GPC6: variants seen among roughly 807,000 people sequenced by gnomAD.
GPC6 encodes glypican 6.
In GPC6, 14 loss-of-function variants were observed where a neutral mutation model predicts 55.2. The ratio of observed to expected loss-of-function variants is 0.25; its 90% CI spans 0.17 to 0.40. GPC6 has a LOEUF of 0.40. Ranked by LOEUF, GPC6 falls within the 10% of genes least tolerant of loss-of-function variation. GPC6 has a pLI of 1.00. For synonymous variants in GPC6, 278 were observed against 259.6 expected, an observed-to-expected ratio of 1.07 and a Z score of -0.68; for missense variants, 641 against 708.5, an observed-to-expected ratio of 0.90 and a Z score of 1.08.
In GPC6 at chr13:93,676,195, A is replaced by ATG. The variant is rs1594363710; in HGVS notation, c.319+130775_319+130776insGT. ...CATACACACACACACACACACATAT[A>ATG]TATGTATGTATGTATATGTGTATAT... On this transcript the variant is annotated intron_variant, in intron 2 of 8. Coordinates refer to ENST00000377047, the MANE Select transcript of GPC6 (RefSeq NM_005708.5). 8.5e-5 allele frequency among the ~76,000 whole-genome samples: 11 copies of ATG among 128,728 alleles called. No homozygotes were observed. The South Asian group carries it at 1.6e-3, about 18-fold the overall frequency. 84.5% of individuals were successfully genotyped at this position (128,728 alleles called of 152,430 possible).
intron 2 of GPC6, among the ~76,000 whole-genome samples, chr13:93,797,407 G>A (rs750414343): frequency 1.3e-5 from 2 of 152,058 alleles, no homozygotes; most frequent in Non-Finnish European, 2.9e-5. Flanking sequence ...TACGCACAAC[G>A]TTCAGAAAAT....
intron 1 of GPC6, among the ~76,000 whole-genome samples, chr13:93,456,384 C>T (rs2813625): frequency 1 from 152,140 of 152,250 alleles, 76,015 homozygotes; most frequent in Non-Finnish European, 1. Context: ...ATTATCCCTA[C>T]TGTTAAAATG....
intron 4 of GPC6, among the ~76,000 whole-genome samples, chr13:94,167,344 C>A (rs891995990): frequency 4.6e-5 from 7 of 152,150 alleles, no homozygotes; most frequent in African/African-American, 1.4e-4. Context: ...TAAGGTCCCT[C>A]TGAATGAAAT....
intron 1 of GPC6, among the ~76,000 whole-genome samples, chr13:93,458,425 T>A (rs566783942): frequency 6.6e-6 from 1 of 152,220 alleles, no homozygotes; most frequent in African/African-American, 2.4e-5. Flanking sequence ...TTATGAAACA[T>A]CCTCCTCCCT....
intron 1 of GPC6, among the ~76,000 whole-genome samples, chr13:93,335,546 GC>G (rs1432976816): frequency 1.3e-5 from 2 of 152,152 alleles, no homozygotes. Flanking sequence ...CAATGCTCCT[GC>G]CCCCTACCTC....
intron 2 of GPC6, among the ~76,000 whole-genome samples, chr13:93,686,208 C>A (rs901859569): frequency 2.5e-4 from 38 of 152,090 alleles, no homozygotes; most frequent in Admixed American, 1.4e-3. Flanking sequence ...GTTGCCTTCA[C>A]CTTCAATGCG....
At chr13:93,239,711 G>A (rs1876363180) in intron 1 of GPC6, among the ~76,000 whole-genome samples, 1 of 151,572 alleles carries the variant, frequency 6.6e-6, no homozygotes, top group African/African-American at 2.4e-5. Context: ...GCTCCTTGAG[G>A]TGTGACATTG....
At chr13:93,369,724 T>A (rs894225546) in intron 1 of GPC6, among the ~76,000 whole-genome samples, 1 of 152,136 alleles carries the variant, frequency 6.6e-6, no homozygotes, top group Non-Finnish European at 1.5e-5. Flanking sequence ...AAACGTTTTT[T>A]TGTCACTTGG....
intron 1 of GPC6, among the ~76,000 whole-genome samples, chr13:93,400,669 T>C (rs190816006): frequency 1.1e-4 from 17 of 152,272 alleles, no homozygotes; most frequent in African/African-American, 4.1e-4. Context: ...TGTGATAGGA[T>C]CATGCATTTT....
At chr13:93,503,666 A>G (rs1880605462) in intron 1 of GPC6, among the ~76,000 whole-genome samples, 1 of 152,102 alleles carries the variant, frequency 6.6e-6, no homozygotes, top group African/African-American at 2.4e-5. Flanking sequence ...GTAGCAATGG[A>G]ATCTTATGTG....
chr13:93,884,006 C>T (rs992518492), intron 3 of GPC6, among the ~76,000 whole-genome samples: 1 of 151,932 alleles, frequency 6.6e-6, no homozygotes, highest in Non-Finnish European at 1.5e-5. Flanking sequence ...CAAAAGACAC[C>T]GAAGTTTTTT....
rs576534413 is a variant in GPC6 at position 93,883,091 on chromosome 13, C to T, written c.711+52546C>T. On this transcript the variant is annotated intron_variant, in intron 3 of 8. Transcript: ENST00000377047. The stretch of plus-strand genomic sequence containing the variant: ...TTTTGTAAAATTCCCAATCTTACTG[C>T]AGCTTCCTCTTCTGTCTTTCTGGTC... 2.9e-3 allele frequency among the ~76,000 whole-genome samples: 446 copies of T among 151,266 alleles called. 3 individuals are homozygous for T. Among genetic ancestry groups the T allele is most frequent in the Non-Finnish European group, 4.2e-3 (287 of 67,858 alleles).
At chr13:93,574,096 G>A (rs1429950266) in intron 2 of GPC6, among the ~76,000 whole-genome samples, 4 of 152,044 alleles carry the variant, frequency 2.6e-5, no homozygotes, top group Admixed American at 6.6e-5. Flanking sequence ...TTGTGTAAGA[G>A]TTTTATTTTA....
intron 6 of GPC6, among the ~76,000 whole-genome samples, chr13:94,331,609 T>C (rs1222682644): frequency 6.6e-6 from 1 of 152,202 alleles, no homozygotes; most frequent in Non-Finnish European, 1.5e-5. Context: ...GCAGCATTTG[T>C]CTGTCAAGTT....
At chr13:94,184,450 C>A (rs1889102643) in intron 4 of GPC6, among the ~76,000 whole-genome samples, 1 of 151,796 alleles carries the variant, frequency 6.6e-6, no homozygotes, top group Non-Finnish European at 1.5e-5. Context: ...AAGCAAAAAA[C>A]AAATAACCCC....
At chr13:93,944,871 C>G (rs189200252) in intron 3 of GPC6, among the ~76,000 whole-genome samples, 1 of 152,120 alleles carries the variant, frequency 6.6e-6, no homozygotes, top group Admixed American at 6.5e-5. Flanking sequence ...AAGTTATCAT[C>G]GATGGGGACA....
intron 3 of GPC6, among the ~76,000 whole-genome samples, chr13:93,952,474 C>G (rs1879294507): frequency 6.6e-6 from 1 of 151,830 alleles, no homozygotes; most frequent in African/African-American, 2.4e-5. Context: ...AACAATAATA[C>G]TGGAAATAGT....
At chr13:94,316,683 C>T (rs1876553300) in intron 6 of GPC6, among the ~76,000 whole-genome samples, 1 of 148,202 alleles carries the variant, frequency 6.7e-6, no homozygotes, top group Non-Finnish European at 1.5e-5. Flanking sequence ...CGCCACTGCA[C>T]TCCAGCCTGG....
intron 1 of GPC6, among the ~76,000 whole-genome samples, chr13:93,527,587 A>T (rs1881705494): frequency 6.6e-6 from 1 of 152,188 alleles, no homozygotes; most frequent in Non-Finnish European, 1.5e-5. Flanking sequence ...GCTAGAATTT[A>T]TTATATCATT....
Sources: gnomAD v4.1 joint callset for allele counts (sites outside exome capture counted in the v4.1 genomes callset) on GRCh38, gnomAD v4.1.1 for gene constraint, MANE v1.5 for transcripts, NCBI Gene and HGNC (gene_info 2026-07-23, HGNC 2026-07-21) for gene names.